SPECC1: variants seen among roughly 807,000 people sequenced by gnomAD.
SPECC1 encodes cytospin-B.
SPECC1 carries 62 observed loss-of-function variants against 104.1 expected under a neutral mutation model. That is an observed-to-expected ratio of 0.60 (90% CI 0.49 to 0.74). The LOEUF (loss-of-function observed/expected upper bound fraction) is 0.74. Among genes scored for constraint, SPECC1 ranks in the 30% least tolerant of loss-of-function variants. The pLI, the probability that SPECC1 is intolerant of heterozygous loss-of-function variation, is 0.00. For synonymous variants in SPECC1, 513 were observed against 501.6 expected, an observed-to-expected ratio of 1.02 and a Z score of -0.30; for missense variants, 1,306 against 1,310.5, an observed-to-expected ratio of 1.00 and a Z score of 0.05.
intron 1 of SPECC1, among the ~76,000 whole-genome samples, chr17:20,059,686 T>C (rs2046110743): frequency 6.6e-6 from 1 of 152,162 alleles, no homozygotes. Flanking sequence ...AAGGTGCTAG[T>C]GAGATCCCAT....
intron 5 of SPECC1, among the ~76,000 whole-genome samples, chr17:20,231,333 G>A (rs894915155): frequency 6.6e-6 from 1 of 152,226 alleles, no homozygotes; most frequent in Non-Finnish European, 1.5e-5. Flanking sequence ...ACAAATCACA[G>A]GAGGAATAAG....
chr17:20,108,224 C>T (rs1463847826), intron 2 of SPECC1, among the ~76,000 whole-genome samples: 1 of 136,332 alleles, frequency 7.3e-6, no homozygotes, highest in Non-Finnish European at 1.6e-5. Flanking sequence ...TTAAAAATTA[C>T]AAAAAAAAGG....
At chr17:20,078,437 C>T (rs1319960549) in intron 1 of SPECC1, among the ~76,000 whole-genome samples, 1 of 151,938 alleles carries the variant, frequency 6.6e-6, no homozygotes, top group Admixed American at 6.6e-5. Context: ...AATGTTCAAC[C>T]TCAATAATAG....
rs1421085941 is a variant in SPECC1 at position 20,096,805 on chromosome 17, A to T, written c.147+7A>T. On this transcript the variant is annotated splice_region_variant and intron_variant, in intron 2 of 14. Coordinates refer to ENST00000395527, the MANE Select transcript of SPECC1 (RefSeq NM_001243439.2). ...TGAGTCCCGACTCAGCAGGGTATGG[A>T]TCAAAATGCACAGGGCCAGGCAGAG... 6.2e-7 allele frequency: 1 copy of T among 1,610,680 alleles called. No homozygotes were observed. The highest frequency in any genetic ancestry group is 1.7e-5 in the Admixed American group (1 of 59,812).
At chr17:20,256,004 A>G (rs891108077) in intron 10 of SPECC1, among the ~76,000 whole-genome samples, 1 of 151,900 alleles carries the variant, frequency 6.6e-6, no homozygotes. Context: ...CAGCCTCCCG[A>G]GTAGCTGGGA....
chr17:20,273,404 G>A (rs2040471163), intron 12 of SPECC1, among the ~76,000 whole-genome samples: 1 of 151,944 alleles, frequency 6.6e-6, no homozygotes. Context: ...CTTGAACCTG[G>A]GAGGCGGAGG....
At chr17:20,197,419 C>A (rs950662023) in intron 3 of SPECC1, among the ~76,000 whole-genome samples, 1 of 152,100 alleles carries the variant, frequency 6.6e-6, no homozygotes, top group African/African-American at 2.4e-5. Context: ...GATATTAAAC[C>A]AGAAACGACT....
intron 3 of SPECC1, among the ~76,000 whole-genome samples, chr17:20,174,637 C>T (rs1431263385): frequency 6.6e-6 from 1 of 152,118 alleles, no homozygotes; most frequent in East Asian, 1.9e-4. Context: ...GGGGAGTCTG[C>T]AGAGAATCTG....
At chr17:20,142,741 A>T (rs891245752) in intron 3 of SPECC1, among the ~76,000 whole-genome samples, 3 of 151,974 alleles carry the variant, frequency 2.0e-5, no homozygotes, top group Admixed American at 6.6e-5. Flanking sequence ...TTGTACAACA[A>T]TGTGAATGTA....
rs543097038 is a variant in SPECC1, at chr17:20,048,136, C to CTTTT, written c.-22+38724_-22+38727dup. On this transcript the variant is annotated intron_variant, in intron 1 of 14. Transcript: ENST00000395527. The stretch of plus-strand genomic sequence containing the variant: ...CGGCTCAAGATCTAGAGAAATGAGT[C>CTTTT]TTTTTTTTTTTTTTTGAGACAGAGT... Among the ~76,000 whole-genome samples, 8 of 139,918 alleles carry CTTTT rather than the reference C, an allele frequency of 5.7e-5. No homozygotes were observed. The South Asian group carries it at 1.4e-3, about 24-fold the overall frequency. The allele number at this position is 139,918 out of a possible 152,430, so 91.8% of individuals were successfully genotyped here.
chr17:20,166,825 A>C (rs2033689223), intron 3 of SPECC1, among the ~76,000 whole-genome samples: 1 of 152,062 alleles, frequency 6.6e-6, no homozygotes, highest in Admixed American at 6.6e-5. Flanking sequence ...CAACCCCAAA[A>C]ATTATATGGG....
At chr17:20,250,776 TCA>T (rs1162972447) in intron 9 of SPECC1, among the ~76,000 whole-genome samples, 2 of 152,226 alleles carry the variant, frequency 1.3e-5, no homozygotes, top group African/African-American at 2.4e-5. Flanking sequence ...AAGGTCTTTC[TCA>T]CGAACCTCTT....
intron 1 of SPECC1, among the ~76,000 whole-genome samples, chr17:20,081,140 T>C (rs191554520): frequency 2.0e-5 from 3 of 152,316 alleles, no homozygotes; most frequent in Admixed American, 1.3e-4. Flanking sequence ...CTTCTGTCAC[T>C]GTGTGACTTT....
intron 1 of SPECC1, among the ~76,000 whole-genome samples, chr17:20,030,210 T>C (rs2044754938): frequency 6.7e-6 from 1 of 149,796 alleles, no homozygotes; most frequent in African/African-American, 2.6e-5. Flanking sequence ...ACTGTATTTA[T>C]GTGAGTTACT....
chr17:20,123,626 G>C (rs1164588239), intron 3 of SPECC1, among the ~76,000 whole-genome samples: 1 of 152,228 alleles, frequency 6.6e-6, no homozygotes. Context: ...AGAAGCGAAA[G>C]CTCCAGGATA....
chr17:20,318,712 C>T lies in SPECC1; in HGVS notation c.*4647C>T, dbSNP rs1032115256. 2.2e-5 allele frequency: 5 copies of T among 224,902 alleles called. No individual in the cohort carries two copies. The highest frequency in any genetic ancestry group is 1.8e-4 in the South Asian group (1 of 5,460). 13.9% of individuals were successfully genotyped at this position (224,902 alleles called of 1,614,324 possible). A position where few individuals can be genotyped will look rare whatever the true frequency, so the allele number is the denominator to read the frequency against. On this transcript the variant is annotated 3_prime_UTR_variant, in exon 15 of 15. Transcript: ENST00000395527. ...TGCAGTAAAGGACATAACCTCACAGCCTTTTTAGAAGCATTTCGAATATCT... is the reference window on the plus strand; with the variant it reads ...TGCAGTAAAGGACATAACCTCACAGTCTTTTTAGAAGCATTTCGAATATCT...
intron 9 of SPECC1, among the ~76,000 whole-genome samples, chr17:20,247,542 T>A (rs1189192364): frequency 6.6e-6 from 1 of 152,224 alleles, no homozygotes; most frequent in East Asian, 1.9e-4. Flanking sequence ...TGCTGTTTTA[T>A]CTCTTGTCTG....
At chr17:20,120,546 T>C (rs918632002) in intron 3 of SPECC1, among the ~76,000 whole-genome samples, 25 of 152,314 alleles carry the variant, frequency 1.6e-4, no homozygotes, top group African/African-American at 5.8e-4. Flanking sequence ...TTGATTTCCT[T>C]TCAGAGGAAA....
chr17:20,193,099 C>T (rs1364484378), intron 3 of SPECC1, among the ~76,000 whole-genome samples: 2 of 152,074 alleles, frequency 1.3e-5, no homozygotes, highest in Non-Finnish European at 2.9e-5. Context: ...TTCATGCCTC[C>T]CCTTTTTAGA....
Sources: gnomAD v4.1 joint callset for allele counts (sites outside exome capture counted in the v4.1 genomes callset) on GRCh38, gnomAD v4.1.1 for gene constraint, MANE v1.5 for transcripts, NCBI Gene and HGNC (gene_info 2026-07-23, HGNC 2026-07-21) for gene names.